Variants in PDE3B observed in about 807,000 individuals in gnomAD.
PDE3B encodes phosphodiesterase 3B, also known as cGMP-inhibited 3',5'-cyclic phosphodiesterase 3B.
In PDE3B, 66 loss-of-function variants were observed where a neutral mutation model predicts 116.8. The ratio of observed to expected loss-of-function variants is 0.56; its 90% CI spans 0.46 to 0.69. The LOEUF (loss-of-function observed/expected upper bound fraction) is 0.69. Among genes scored for constraint, PDE3B ranks in the 30% least tolerant of loss-of-function variants. The pLI is 0.00. For synonymous variants in PDE3B, 595 were observed against 533.6 expected (o/e 1.12, Z -1.59); for missense variants, 1,384 against 1,368.1 (o/e 1.01, Z -0.18).
In PDE3B at chr11:14,644,886, G is replaced by A; in HGVS notation, c.811G>A (p.Glu271Lys). 2 of 1,614,074 alleles carry A rather than the reference G, an allele frequency of 1.2e-6. No homozygotes were observed. Among genetic ancestry groups the A allele is most frequent in the Non-Finnish European group, 1.7e-6 (2 of 1,180,004 alleles). Residue 271 changes from glutamate to lysine, a missense_variant, in exon 1 of 16, where the codon GAA becomes AAA. Physicochemically the swap from Glu to Lys is moderately conservative, Grantham distance 56 (BLOSUM62 1). This residue lies in a region of PDE3B where 956 missense variants were observed against 806.8 expected (regional missense o/e 1.18). Coordinates refer to ENST00000282096, the MANE Select transcript of PDE3B (RefSeq NM_000922.4). ...GTTGGATCACTTCTTTCAAATCAGGGAAGCGCCTCTTCATCCTCGACTGTC... is the reference window on the plus strand; with the variant it reads ...GTTGGATCACTTCTTTCAAATCAGGAAAGCGCCTCTTCATCCTCGACTGTC... ...LGLDHFFQIREAPLHPRLSSA... is the reference protein window; with the variant it reads ...LGLDHFFQIRKAPLHPRLSSA...
intron 1 of PDE3B, among the ~76,000 whole-genome samples, chr11:14,725,291 TTCTTTCTTTCTTTCTTTC>T (rs1471905568): frequency 4.7e-5 from 6 of 127,766 alleles, no homozygotes; most frequent in Non-Finnish European, 8.4e-5. Context: ...TTCTTTCTTT[TTCTTTCTTTCTTTCTTTC>T]TCTTTCTTTC....
intron 4 of PDE3B, among the ~76,000 whole-genome samples, chr11:14,803,047 G>A (rs1013531680): frequency 6.6e-6 from 1 of 152,180 alleles, no homozygotes; most frequent in Non-Finnish European, 1.5e-5. Flanking sequence ...ACAGTAAAGA[G>A]GGAAGGAGTC....
At chr11:14,701,140 CA>C in intron 1 of PDE3B, among the ~76,000 whole-genome samples, 1 of 151,782 alleles carries the variant, frequency 6.6e-6, no homozygotes, top group African/African-American at 2.4e-5. Flanking sequence ...TCTTCCCCCA[CA>C]AATTTTATTT....
chr11:14,781,981 A>G (rs1858018999), intron 2 of PDE3B, among the ~76,000 whole-genome samples: 2 of 152,224 alleles, frequency 1.3e-5, no homozygotes, highest in Non-Finnish European at 2.9e-5. Flanking sequence ...ATACAAAAGC[A>G]ATGTGCAGAA....
At chr11:14,687,595 ATACCTGGGC>A (rs1241392409) in intron 1 of PDE3B, among the ~76,000 whole-genome samples, 2 of 152,194 alleles carry the variant, frequency 1.3e-5, no homozygotes, top group East Asian at 3.8e-4. Context: ...TTTATGCATT[ATACCTGGGC>A]TGTACCAAGA....
In PDE3B at chr11:14,859,243, C is replaced by G. The variant is rs782639494; in HGVS notation, c.2721C>G (p.Ala907=). ...KHFDFLAEFN[A]KANDVNSNGI... ...TTGATTTTCTCGCAGAATTCAATGC[C>G]AAGGTTTGTTATGAAAATTAGTGCC... The change falls in exon 13 of 16, where the codon GCC becomes GCG. Residue 907 remains alanine, a synonymous_variant. Coordinates refer to ENST00000282096, the MANE Select transcript of PDE3B (RefSeq NM_000922.4). 3.1e-6 allele frequency: 5 copies of G among 1,604,006 alleles called. No homozygotes were observed. The South Asian group carries it at 5.6e-5, about 18-fold the overall frequency.
intron 1 of PDE3B, among the ~76,000 whole-genome samples, chr11:14,664,908 C>T (rs1217385521): frequency 2.0e-5 from 3 of 152,216 alleles, no homozygotes; most frequent in African/African-American, 7.2e-5. Context: ...TCCTCCCTAA[C>T]TCATTTTATG....
intron 1 of PDE3B, among the ~76,000 whole-genome samples, chr11:14,765,768 C>T (rs1008130409): frequency 6.6e-6 from 1 of 150,594 alleles, no homozygotes; most frequent in Non-Finnish European, 1.5e-5. Context: ...TAAAACATAC[C>T]ATAGCACTAT....
chr11:14,753,117 T>C (rs1419535839), intron 1 of PDE3B, among the ~76,000 whole-genome samples: 1 of 152,154 alleles, frequency 6.6e-6, no homozygotes, highest in Non-Finnish European at 1.5e-5. Context: ...CATTGGATCA[T>C]AGGAAAAATT....
chr11:14,855,554 A>T (rs73418666), intron 12 of PDE3B, among the ~76,000 whole-genome samples: 1 of 152,022 alleles, frequency 6.6e-6, no homozygotes, highest in South Asian at 2.1e-4. Context: ...AGGCATTGTT[A>T]TATTAAATAA....
intron 1 of PDE3B, among the ~76,000 whole-genome samples, chr11:14,754,481 G>A (rs1464397010): frequency 1.3e-5 from 2 of 151,746 alleles, no homozygotes; most frequent in East Asian, 1.9e-4. Context: ...TGTTATAAAC[G>A]ACATTACTTA....
intron 1 of PDE3B, among the ~76,000 whole-genome samples, chr11:14,731,255 A>ATTTTT (rs778089171): frequency 8.3e-4 from 101 of 121,072 alleles, no homozygotes; most frequent in African/African-American, 2.9e-3. Flanking sequence ...TTTTACTTTG[A>ATTTTT]TTTTTTTTTT....
intron 1 of PDE3B, among the ~76,000 whole-genome samples, chr11:14,744,960 T>C (rs1048605676): frequency 2.6e-5 from 4 of 152,258 alleles, no homozygotes; most frequent in African/African-American, 9.6e-5. Context: ...TTTGTTAATT[T>C]ATAAGCTCTG....
rs780199034 is a variant in PDE3B at position 14,791,893 on chromosome 11, A to T, written c.1415+2651A>T. Reference sequence around the variant, plus strand: ...TTCATGTACTTTAAATCACCTCCAGATTATTTATAATACCTAAGGCAATGT... The same window carrying T: ...TTCATGTACTTTAAATCACCTCCAGTTTATTTATAATACCTAAGGCAATGT... On this transcript the variant is annotated intron_variant, in intron 4 of 15. Coordinates refer to ENST00000282096, the MANE Select transcript of PDE3B (RefSeq NM_000922.4). 6.3e-4 allele frequency among the ~76,000 whole-genome samples: 96 copies of T among 152,120 alleles called. 3 individuals carry two copies. The highest frequency in any genetic ancestry group is 1.2e-3 in the Admixed American group (19 of 15,254).
chr11:14,721,790 G>C (rs1856101451), intron 1 of PDE3B, among the ~76,000 whole-genome samples: 1 of 61,034 alleles, frequency 1.6e-5, no homozygotes, highest in Non-Finnish European at 3.1e-5. Context: ...TGGGGGCAGG[G>C]GGGAGGGGTA....
At chr11:14,696,121 A>G (rs1855199174) in intron 1 of PDE3B, among the ~76,000 whole-genome samples, 1 of 152,176 alleles carries the variant, frequency 6.6e-6, no homozygotes, top group South Asian at 2.1e-4. Context: ...TTACATTCTC[A>G]TCAACCATGT....
At chr11:14,776,858 T>TA (rs1385787633) in intron 2 of PDE3B, among the ~76,000 whole-genome samples, 1 of 151,422 alleles carries the variant, frequency 6.6e-6, no homozygotes, top group Admixed American at 6.6e-5. Flanking sequence ...GAGGATAAAA[T>TA]AAAAAATCAC....
At chr11:14,827,263 C>A (rs1450593890) in intron 7 of PDE3B, among the ~76,000 whole-genome samples, 1 of 152,062 alleles carries the variant, frequency 6.6e-6, no homozygotes, top group Non-Finnish European at 1.5e-5. Flanking sequence ...GGGCACAAGA[C>A]AAGGATGCCC....
At chr11:14,697,976 T>C (rs747412085) in intron 1 of PDE3B, among the ~76,000 whole-genome samples, 1 of 152,068 alleles carries the variant, frequency 6.6e-6, no homozygotes, top group Non-Finnish European at 1.5e-5. Flanking sequence ...TCTTTATACT[T>C]TCCCACCCTT....
Sources: gnomAD v4.1 joint callset for allele counts (sites outside exome capture counted in the v4.1 genomes callset) on GRCh38, gnomAD v4.1.1 for gene constraint, gnomAD v4.1.1 regional missense constraint, MANE v1.5 for transcripts, NCBI Gene and HGNC (gene_info 2026-07-23, HGNC 2026-07-21) for gene names.